Variants in MSI2 observed in about 807,000 individuals in gnomAD.
MSI2 encodes the protein musashi RNA binding protein 2, also known as RNA-binding protein Musashi homolog 2.
In MSI2, 17 loss-of-function variants were observed where a neutral mutation model predicts 45.6. That is an observed-to-expected ratio of 0.37 (90% CI 0.26 to 0.56). The LOEUF is 0.56. Among genes scored for constraint, MSI2 ranks in the 20% least tolerant of loss-of-function variants. The pLI, the probability that MSI2 is intolerant of heterozygous loss-of-function variation, is 0.77. For missense variants in MSI2, 293 were observed against 444.2 expected (o/e 0.66, Z 3.06); for synonymous variants, 156 against 158.2 (o/e 0.99, Z 0.11).
intron 6 of MSI2, among the ~76,000 whole-genome samples, chr17:57,525,551 G>A (rs2086679637): frequency 6.6e-6 from 1 of 152,162 alleles, no homozygotes; most frequent in South Asian, 2.1e-4. Flanking sequence ...GCCTCCTAAA[G>A]TGCTGGGATT....
intron 7 of MSI2, among the ~76,000 whole-genome samples, chr17:57,546,099 T>A (rs367584791): frequency 1.7e-3 from 261 of 152,284 alleles, no homozygotes; most frequent in Non-Finnish European, 3.0e-3. Flanking sequence ...TATGCCCAAT[T>A]TATCACGCAC....
chr17:57,362,789 C>T (rs781570729), intron 5 of MSI2, among the ~76,000 whole-genome samples: 1 of 151,914 alleles, frequency 6.6e-6, no homozygotes, highest in Non-Finnish European at 1.5e-5. Context: ...TATAATGCTA[C>T]TCATAGAATA....
intron 5 of MSI2, among the ~76,000 whole-genome samples, chr17:57,335,619 G>A (rs1161664293): frequency 1.3e-5 from 2 of 152,196 alleles, no homozygotes; most frequent in African/African-American, 4.8e-5. Context: ...TAGGCACTGG[G>A]GATGGAGCAG....
intron 6 of MSI2, among the ~76,000 whole-genome samples, chr17:57,469,534 G>A (rs2085393198): frequency 6.6e-6 from 1 of 152,216 alleles, no homozygotes; most frequent in Admixed American, 6.5e-5. Context: ...GGTTGGAGGT[G>A]AGGAAAGGGT....
intron 7 of MSI2, among the ~76,000 whole-genome samples, chr17:57,578,339 C>T (rs1262191596): frequency 3.9e-5 from 6 of 152,172 alleles, no homozygotes; most frequent in Non-Finnish European, 8.8e-5. Flanking sequence ...CTGGGCACTA[C>T]AGCAAAGCTA....
chr17:57,404,147 G>A (rs937786469), intron 6 of MSI2, among the ~76,000 whole-genome samples: 10 of 152,176 alleles, frequency 6.6e-5, no homozygotes, highest in African/African-American at 2.4e-4. Context: ...TCTCTGGGGG[G>A]CTGGTAGTGG....
intron 10 of MSI2, among the ~76,000 whole-genome samples, chr17:57,636,803 T>C (rs1332761730): frequency 6.6e-6 from 1 of 152,236 alleles, no homozygotes; most frequent in Non-Finnish European, 1.5e-5. Flanking sequence ...GTGCTTCTGG[T>C]TGGCTTCCAG....
chr17:57,426,470 C>A (rs1156599245), intron 6 of MSI2, among the ~76,000 whole-genome samples: 1 of 152,244 alleles, frequency 6.6e-6, no homozygotes, highest in Non-Finnish European at 1.5e-5. Context: ...TCAGTAGTCA[C>A]CCAGTACCCA....
intron 6 of MSI2, among the ~76,000 whole-genome samples, chr17:57,503,030 C>G (rs2086150991): frequency 6.6e-6 from 1 of 151,944 alleles, no homozygotes; most frequent in East Asian, 1.9e-4. Flanking sequence ...GAATCTTGTT[C>G]CTATTACAAT....
In MSI2 at chr17:57,658,290, A is replaced by T. The variant is rs1598499652; in HGVS notation, c.790+6129A>T. 2.0e-5 allele frequency among the ~76,000 whole-genome samples: 3 copies of T among 152,202 alleles called. No individual in the cohort carries two copies. The South Asian group carries it at 6.2e-4, about 31-fold the overall frequency. On this transcript the variant is annotated intron_variant, in intron 11 of 13. Coordinates refer to ENST00000284073, the MANE Select transcript of MSI2 (RefSeq NM_138962.4). ...GGCCCAGGGGGAGAACAAATCTCTG[A>T]CCCACTAGGGCCAGCCACCACAACC... is the stretch of plus-strand genomic sequence containing the variant.
intron 5 of MSI2, among the ~76,000 whole-genome samples, chr17:57,357,530 A>C (rs1156530684): frequency 1.3e-5 from 2 of 152,158 alleles, no homozygotes; most frequent in East Asian, 1.9e-4. Flanking sequence ...GTGCCTGCTC[A>C]GACCTGGTCA....
At chr17:57,345,062 C>CA (rs574673384) in intron 5 of MSI2, among the ~76,000 whole-genome samples, 34 of 144,764 alleles carry the variant, frequency 2.3e-4, no homozygotes, top group African/African-American at 4.1e-4. Context: ...GACTCCGTCT[C>CA]AAAAAAAAAA....
chr17:57,682,306 C>G lies in MSI2; in HGVS notation c.*2789C>G, dbSNP rs1441531490. ...GTTAAAATGCCGGCGGACTCTACGG[C>G]GTTTTGTAGATCCCCCCCCCCCCAC... On this transcript the variant is annotated 3_prime_UTR_variant, in exon 14 of 14. Transcript: ENST00000284073. 3.5e-5 allele frequency: 6 copies of G among 171,896 alleles called. No individual in the cohort carries two copies. The East Asian group carries it at 4.0e-4, about 12-fold the overall frequency. The allele number at this position is 171,896 out of a possible 1,614,324, so 10.6% of individuals were successfully genotyped here.
At chr17:57,371,960 T>C (rs933457404) in intron 5 of MSI2, among the ~76,000 whole-genome samples, 4 of 151,536 alleles carry the variant, frequency 2.6e-5, no homozygotes, top group Non-Finnish European at 4.4e-5. Context: ...TATATACTTA[T>C]ATATAATCTC....
intron 6 of MSI2, among the ~76,000 whole-genome samples, chr17:57,484,190 C>CGTTAGCA (rs1418605414): frequency 6.6e-6 from 1 of 152,178 alleles, no homozygotes; most frequent in Non-Finnish European, 1.5e-5. Context: ...TCTTGGCCTC[C>CGTTAGCA]GTTAGCAGTC....
chr17:57,578,505 A>G (rs1260884950), intron 7 of MSI2, among the ~76,000 whole-genome samples: 2 of 151,952 alleles, frequency 1.3e-5, no homozygotes, highest in Non-Finnish European at 2.9e-5. Flanking sequence ...CCCCAGCTGT[A>G]TTCATTTCGC....
chr17:57,304,226 G>A lies in MSI2; in HGVS notation c.312+42034G>A, dbSNP rs548748258. 1.5e-3 allele frequency among the ~76,000 whole-genome samples: 230 copies of A among 151,398 alleles called. 4 individuals are homozygous for A. The highest frequency in any genetic ancestry group is 5.0e-4 in the Non-Finnish European group (34 of 67,736). ...ACAAAAAATAGCTGGGCGTGGTGGC[G>A]TGCGCCTGTAGTCCCAGTTACTTGG... On this transcript the variant is annotated intron_variant, in intron 5 of 13. Transcript: ENST00000284073.
intron 6 of MSI2, among the ~76,000 whole-genome samples, chr17:57,499,156 A>C (rs1029438865): frequency 6.6e-6 from 1 of 151,796 alleles, no homozygotes; most frequent in Non-Finnish European, 1.5e-5. Context: ...CGGATGGATC[A>C]CCTGAGGTCA....
intron 5 of MSI2, among the ~76,000 whole-genome samples, chr17:57,341,479 G>A (rs1915154666): frequency 6.6e-6 from 1 of 152,212 alleles, no homozygotes; most frequent in Non-Finnish European, 1.5e-5. Flanking sequence ...CCTGGCTGGG[G>A]ACCCTGTACC....
Sources: gnomAD v4.1 joint callset for allele counts (sites outside exome capture counted in the v4.1 genomes callset) on GRCh38, gnomAD v4.1.1 for gene constraint, MANE v1.5 for transcripts, NCBI Gene and HGNC (gene_info 2026-07-23, HGNC 2026-07-21) for gene names.